Variants in PLAGL1 observed in about 807,000 individuals in gnomAD.
PLAGL1 encodes the protein zinc finger protein PLAGL1.
Under a neutral mutation model 4.6 loss-of-function variants are expected in PLAGL1, and 1 was observed. The observed-to-expected ratio is 0.22, with a 90% CI of 0.08 to 1.03. The LOEUF (loss-of-function observed/expected upper bound fraction) is 1.03, where lower values mean the gene tolerates loss of function less well. Ranked by LOEUF, PLAGL1 falls within the 50% of genes least tolerant of loss-of-function variation. The pLI, the probability that PLAGL1 is intolerant of heterozygous loss-of-function variation, is 0.58. For missense variants in PLAGL1, 464 were observed against 570.4 expected, an observed-to-expected ratio of 0.81 and a Z score of 1.90; for synonymous variants, 240 against 237.8, an observed-to-expected ratio of 1.01 and a Z score of -0.08.
intron 1 of PLAGL1, among the ~76,000 whole-genome samples, chr6:144,030,416 G>T (rs755911224): frequency 7.9e-5 from 12 of 151,950 alleles, no homozygotes; most frequent in Non-Finnish European, 1.8e-4. Flanking sequence ...TTCTTTAGTG[G>T]TGATTTCTGA....
rs998508282 is a variant in PLAGL1, at chr6:143,983,886, G to A, written c.-544+1249C>T. On this transcript the variant is annotated intron_variant, in intron 2 of 7. Coordinates refer to ENST00000674357, the MANE Select transcript of PLAGL1 (RefSeq NM_001317162.2). The surrounding 1 kb of genome is among the most constrained non-coding windows in gnomAD (Gnocchi z 6.6). ...GACTATGGGAGAAAGTTGCTAATGT[G>A]GTTTGGAAGACAAGGTCATTGAAGG... Among the ~76,000 whole-genome samples the A allele has an allele frequency of 6.6e-6, 1 of 151,964 alleles. No individual in the cohort carries two copies. The highest frequency in any genetic ancestry group is 2.4e-5 in the African/African-American group (1 of 41,358).
chr6:143,962,397 A>G lies in PLAGL1; in HGVS notation c.-398-1855T>C, dbSNP rs1195955610. ...TGACCCTATAAAATTAAACAATCCT[A>G]AAGATAAATGTTTCCGAGTTCCAGA... On this transcript the variant is annotated intron_variant, in intron 5 of 7. Transcript: ENST00000674357. The surrounding 1 kb of genome is among the most constrained non-coding windows in gnomAD (Gnocchi z 5.3). Among the ~76,000 whole-genome samples, 1 of 152,240 alleles carries G rather than the reference A, an allele frequency of 6.6e-6. No individual in the cohort carries two copies. The highest frequency in any genetic ancestry group is 1.5e-5 in the Non-Finnish European group (1 of 68,036).
chr6:143,992,721 G>A (rs1790734963), intron 1 of PLAGL1, among the ~76,000 whole-genome samples: 1 of 152,164 alleles, frequency 6.6e-6, no homozygotes, highest in Non-Finnish European at 1.5e-5. Context: ...TGGGCGAGGT[G>A]GCTCATAGCA....
rs1053187691 is a variant in PLAGL1 at position 144,000,361 on chromosome 6, G to A, written c.-584+7729C>T. Among the ~76,000 whole-genome samples the A allele has an allele frequency of 2.0e-5, 3 of 152,002 alleles. No homozygotes were observed. Among genetic ancestry groups the A allele is most frequent in the African/African-American group, 4.8e-5 (2 of 41,400 alleles). On this transcript the variant is annotated intron_variant, in intron 1 of 7. Coordinates refer to ENST00000674357, the MANE Select transcript of PLAGL1 (RefSeq NM_001317162.2). This position sits in a 1 kb window ranked among gnomAD's most constrained non-coding sequence, Gnocchi z 4.1. Reference sequence around the variant, plus strand: ...TTGCAAATTATGTATTTATGTAAATGGAAATATAATGTTATTTATGAAGTA... The same window carrying A: ...TTGCAAATTATGTATTTATGTAAATAGAAATATAATGTTATTTATGAAGTA...
chr6:143,956,729 T>G (rs1200927530), intron 6 of PLAGL1, among the ~76,000 whole-genome samples: 1 of 152,180 alleles, frequency 6.6e-6, no homozygotes, highest in Non-Finnish European at 1.5e-5. Flanking sequence ...AGGTAGAGGA[T>G]GCCAATAAAA....
At position 143,947,992 on chromosome 6, in the gene PLAGL1, A is replaced by T. The variant is rs186779775; in HGVS notation, c.145T>A (p.Leu49Met). 5 of 1,613,972 alleles carry T rather than the reference A, an allele frequency of 3.1e-6. No homozygotes were observed. The Admixed American group carries it at 5.0e-5, about 16-fold the overall frequency. Residue 49 changes from leucine to methionine, a missense_variant, in exon 7 of 8, where the codon TTG becomes ATG. Leu to Met is a conservative substitution (Grantham distance 15). Coordinates refer to ENST00000674357, the MANE Select transcript of PLAGL1 (RefSeq NM_001317162.2). The surrounding 1 kb of genome is among the most constrained non-coding windows in gnomAD (Gnocchi z 4.3). ...CGKAFVSRYK[L>M]MRHMATHSPQ... ...TTTGCCAAAGCCTCTCACCTCATCA[A>T]TTTATATCTGGAAACAAAGGCTTTG...
chr6:143,969,337 T>G (rs1446321132), intron 2 of PLAGL1, among the ~76,000 whole-genome samples: 1 of 152,118 alleles, frequency 6.6e-6, no homozygotes, highest in Non-Finnish European at 1.5e-5. Context: ...AAAATGGAGA[T>G]AACGATTACA....
At position 143,966,550 on chromosome 6, in the gene PLAGL1, CATAAG is replaced by C. The variant is rs1476188317; in HGVS notation, c.-471-357_-471-353del. 1 of 152,176 alleles carries C rather than the reference CATAAG, an allele frequency of 6.6e-6. No individual in the cohort carries two copies. Among genetic ancestry groups the C allele is most frequent in the Non-Finnish European group, 1.5e-5 (1 of 68,010 alleles). The allele number at this position is 152,176 out of a possible 1,614,324, so 9.4% of individuals were successfully genotyped here. ...AATGAGAACCATTTTAGGGAAACAACATAAGATGACTATGATCTTAATGCGGTTTC... is the reference window on the plus strand; with the variant it reads ...AATGAGAACCATTTTAGGGAAACAACATGACTATGATCTTAATGCGGTTTC... On this transcript the variant is annotated intron_variant, in intron 3 of 7. Transcript: ENST00000674357. The surrounding 1 kb of genome is among the most constrained non-coding windows in gnomAD (Gnocchi z 6.0).
intron 1 of PLAGL1, among the ~76,000 whole-genome samples, chr6:144,037,988 G>C (rs1366685731): frequency 6.6e-6 from 1 of 152,144 alleles, no homozygotes; most frequent in Non-Finnish European, 1.5e-5. Flanking sequence ...CCTATGCAAA[G>C]AGAAAAATAA....
chr6:144,010,686 A>T (rs1583688744), upstream of PLAGL1, among the ~76,000 whole-genome samples: 1 of 152,198 alleles, frequency 6.6e-6, no homozygotes, highest in Non-Finnish European at 1.5e-5. This position sits in a 1 kb window ranked among gnomAD's most constrained non-coding sequence, Gnocchi z 4.1. Context: ...GAGGCATTAC[A>T]CTACCTGACT....
intron 1 of PLAGL1, among the ~76,000 whole-genome samples, chr6:144,029,322 T>C (rs1360429142): frequency 6.6e-6 from 1 of 152,216 alleles, no homozygotes; most frequent in African/African-American, 2.4e-5. Context: ...TCAGATTCTC[T>C]GTATGATAAG....
intron 1 of PLAGL1, among the ~76,000 whole-genome samples, chr6:144,023,262 A>G (rs1049501176): frequency 5.3e-5 from 8 of 152,160 alleles, no homozygotes; most frequent in Non-Finnish European, 8.8e-5. Flanking sequence ...AACACAGAGG[A>G]TTTGGGGATT....
intron 1 of PLAGL1, among the ~76,000 whole-genome samples, chr6:143,999,642 G>C (rs1481861498): frequency 6.6e-6 from 1 of 152,044 alleles, no homozygotes; most frequent in Non-Finnish European, 1.5e-5. Context: ...TGTTGTTCTA[G>C]GAATCCATCA....
At chr6:144,002,660 A>G (rs553898638) in intron 1 of PLAGL1, among the ~76,000 whole-genome samples, 81 of 149,644 alleles carry the variant, frequency 5.4e-4, no homozygotes, top group Non-Finnish European at 9.8e-4. Flanking sequence ...AAACTGGGGG[A>G]AAAAAAAAAC....
In PLAGL1 at chr6:143,958,070, C is replaced by G. The variant is rs997200465; in HGVS notation, c.-325+2399G>C. Among the ~76,000 whole-genome samples, 1 of 152,124 alleles carries G rather than the reference C, an allele frequency of 6.6e-6. No homozygotes were observed. The highest frequency in any genetic ancestry group is 2.4e-5 in the African/African-American group (1 of 41,406). On this transcript the variant is annotated intron_variant, in intron 6 of 7. Coordinates refer to ENST00000674357, the MANE Select transcript of PLAGL1 (RefSeq NM_001317162.2). This position sits in a 1 kb window ranked among gnomAD's most constrained non-coding sequence, Gnocchi z 5.1. ...ATGTGGAACACGTGGTGCAGCCTGGCTGGGATGGGCAGGAGAGGGGCCTGT... is the reference window on the plus strand; with the variant it reads ...ATGTGGAACACGTGGTGCAGCCTGGGTGGGATGGGCAGGAGAGGGGCCTGT...
rs1036432232 is a variant in PLAGL1, at chr6:144,015,631, T to C, written c.-150-46653A>G. On this transcript the variant is annotated intron_variant, in intron 1 of 3. Transcript: ENST00000437412. This position sits in a 1 kb window ranked among gnomAD's most constrained non-coding sequence, Gnocchi z 4.3. ...GGGCCAAGAAGTCCAAGAATGACAT[T>C]AAACATCATTTCCCCAATGATTAAT... 5.9e-5 allele frequency among the ~76,000 whole-genome samples: 9 copies of C among 152,206 alleles called. No individual in the cohort carries two copies. The highest frequency in any genetic ancestry group is 1.9e-4 in the African/African-American group (8 of 41,454).
In PLAGL1 at chr6:143,947,385, G is replaced by A. The variant is rs1780010242; in HGVS notation, c.152+600C>T. Among the ~76,000 whole-genome samples, 1 of 152,162 alleles carries A rather than the reference G, an allele frequency of 6.6e-6. No homozygotes were observed. ...AATTATTATCTGAGTCCTCTTTCTA[G>A]GATACTAAACGAATCATATTTCTTC... is the stretch of plus-strand genomic sequence containing the variant. On this transcript the variant is annotated intron_variant, in intron 7 of 7. Transcript: ENST00000674357. The surrounding 1 kb of genome is among the most constrained non-coding windows in gnomAD (Gnocchi z 4.3).
At chr6:143,980,643 A>G (rs746833013) in intron 2 of PLAGL1, among the ~76,000 whole-genome samples, 7 of 152,114 alleles carry the variant, frequency 4.6e-5, no homozygotes, top group Non-Finnish European at 8.8e-5. Context: ...TATTTAATTT[A>G]TTTTAGTACC....
chr6:143,942,591 G>C lies in PLAGL1; in HGVS notation c.225C>G (p.Asp75Glu). The change falls in exon 8 of 8, where the codon GAC becomes GAG. Residue 75 changes from aspartate to glutamate, a missense_variant. Asp to Glu is a conservative substitution (Grantham distance 45). Coordinates refer to ENST00000674357, the MANE Select transcript of PLAGL1 (RefSeq NM_001317162.2). This position sits in a 1 kb window ranked among gnomAD's most constrained non-coding sequence, Gnocchi z 7.6. The part of the protein sequence containing the change: ...AHCEKTFNRK[D>E]HLKNHLQTHD... ...GGGTCTGGAGGTGGTTTTTCAGGTG[G>C]TCTTTCCGGTTGAACGTCTTCTCAC... 6.2e-7 allele frequency: 1 copy of C among 1,614,106 alleles called. No homozygotes were observed.
Sources: allele counts gnomAD v4.1 joint callset (sites outside exome capture counted in the v4.1 genomes callset), GRCh38; gene constraint gnomAD v4.1.1; non-coding constraint Gnocchi (gnomAD v3.1); transcripts MANE v1.5; gene names NCBI Gene and HGNC (gene_info 2026-07-23, HGNC 2026-07-21).